PRELID2: variants seen among roughly 807,000 people sequenced by gnomAD.
PRELID2 encodes PRELI domain containing 2, also known as PRELI domain-containing protein 2.
Under a neutral mutation model 28.4 loss-of-function variants are expected in PRELID2, and 25 were observed. The ratio of observed to expected loss-of-function variants is 0.88; its 90% CI spans 0.64 to 1.23. The LOEUF (loss-of-function observed/expected upper bound fraction) is 1.23, where lower values mean the gene tolerates loss of function less well. PRELID2 is among the 50% of genes most tolerant of loss of function. The probability of loss-of-function intolerance (pLI) is 0.00; values close to 1 mark genes in which losing one functional copy is unlikely to be tolerated. For missense variants in PRELID2, 201 were observed against 214.4 expected, an observed-to-expected ratio of 0.94 and a Z score of 0.39; for synonymous variants, 76 against 71.6, an observed-to-expected ratio of 1.06 and a Z score of -0.31.
At chr5:145,605,819 T>C (rs1435645987) in intron 1 of PRELID2, among the ~76,000 whole-genome samples, 1 of 152,096 alleles carries the variant, frequency 6.6e-6, no homozygotes, top group Non-Finnish European at 1.5e-5. Context: ...CATTGATAGT[T>C]TAATAGCAAT....
chr5:145,427,436 A>G, the PRELID2 span, among the ~76,000 whole-genome samples: 1 of 152,162 alleles, frequency 6.6e-6, no homozygotes, highest in African/African-American at 2.4e-5. Flanking sequence ...AAGAATCTAA[A>G]ATTGGATTTG....
the PRELID2 span, among the ~76,000 whole-genome samples, chr5:145,353,222 C>G: frequency 1.3e-5 from 2 of 152,050 alleles, no homozygotes; most frequent in East Asian, 1.9e-4. Flanking sequence ...TTTTGGGAGG[C>G]CGAGGTGAGT....
At chr5:145,453,512 G>A in the PRELID2 span, among the ~76,000 whole-genome samples, 4 of 151,910 alleles carry the variant, frequency 2.6e-5, no homozygotes, top group South Asian at 2.1e-4. Flanking sequence ...TGTGCAGAAC[G>A]TGCAGGTTTG....
the PRELID2 span, among the ~76,000 whole-genome samples, chr5:145,408,853 C>A: frequency 6.6e-6 from 1 of 152,066 alleles, no homozygotes; most frequent in Non-Finnish European, 1.5e-5. Context: ...CATCCAAATA[C>A]AAGAAGCTCA....
the PRELID2 span, among the ~76,000 whole-genome samples, chr5:145,441,557 A>G: frequency 6.6e-6 from 1 of 152,128 alleles, no homozygotes; most frequent in Non-Finnish European, 1.5e-5. Context: ...CATAATTATC[A>G]TAAGTCAGGT....
intron 1 of PRELID2, among the ~76,000 whole-genome samples, chr5:145,730,589 A>G (rs1054597942): frequency 4.6e-5 from 7 of 152,112 alleles, no homozygotes; most frequent in African/African-American, 1.7e-4. Context: ...CTAGATAACT[A>G]CTCAGCATCC....
chr5:145,365,137 A>T, the PRELID2 span, among the ~76,000 whole-genome samples: 4 of 152,052 alleles, frequency 2.6e-5, no homozygotes, highest in East Asian at 7.8e-4. Flanking sequence ...GGAGATGGAG[A>T]TGTTGATCAA....
chr5:145,420,000 T>C, the PRELID2 span, among the ~76,000 whole-genome samples: 1 of 152,034 alleles, frequency 6.6e-6, no homozygotes, highest in African/African-American at 2.4e-5. Flanking sequence ...CCTTTCCCCA[T>C]TGCTTGTTTT....
At chr5:145,239,038 T>TA in the PRELID2 span, among the ~76,000 whole-genome samples, 1 of 152,068 alleles carries the variant, frequency 6.6e-6, no homozygotes, top group Admixed American at 6.6e-5. Flanking sequence ...TTCAGTGACA[T>TA]ACAGTTAAAC....
intron 4 of PRELID2, among the ~76,000 whole-genome samples, chr5:145,797,957 A>G (rs1022448856): frequency 2.0e-5 from 3 of 151,992 alleles, no homozygotes; most frequent in South Asian, 2.1e-4. Flanking sequence ...TAAAATAGAC[A>G]ACTAAATGGA....
At chr5:145,821,320 A>T (rs1422138553) in intron 2 of PRELID2, among the ~76,000 whole-genome samples, 1 of 140,366 alleles carries the variant, frequency 7.1e-6, no homozygotes, top group East Asian at 2.1e-4. Context: ...TATGTGTGTA[A>T]GCCCTCTTCT....
At chr5:145,318,141 T>C in the PRELID2 span, among the ~76,000 whole-genome samples, 1,107 of 152,288 alleles carry the variant, frequency 7.3e-3, 8 homozygotes, top group Non-Finnish European at 0.013. Flanking sequence ...TCAATTGGGC[T>C]ACTAGGAAGC....
chr5:145,539,771 A>T (rs978871426), intron 1 of PRELID2, among the ~76,000 whole-genome samples: 1 of 151,826 alleles, frequency 6.6e-6, no homozygotes, highest in Non-Finnish European at 1.5e-5. Flanking sequence ...GTGGTGTTTT[A>T]AGTATTTATT....
intron 1 of PRELID2, among the ~76,000 whole-genome samples, chr5:145,645,618 C>A (rs1257492564): frequency 1.3e-5 from 2 of 152,070 alleles, no homozygotes; most frequent in African/African-American, 2.4e-5. Flanking sequence ...GATGCAGTTT[C>A]TTCATAGTGT....
At chr5:145,267,313 C>A in the PRELID2 span, among the ~76,000 whole-genome samples, 2 of 152,078 alleles carry the variant, frequency 1.3e-5, no homozygotes, top group Non-Finnish European at 2.9e-5. Context: ...AGCCCACTGA[C>A]CCAAATGTTA....
intron 5 of PRELID2, among the ~76,000 whole-genome samples, chr5:145,794,662 C>T (rs1044479354): frequency 3.9e-5 from 6 of 152,084 alleles, no homozygotes; most frequent in South Asian, 2.1e-4. Context: ...TACCACGTAT[C>T]GGGTATGCTT....
At chr5:145,752,280 G>A (rs1429536956), downstream of PRELID2, among the ~76,000 whole-genome samples, 2 of 152,136 alleles carry the variant, frequency 1.3e-5, no homozygotes, top group African/African-American at 4.8e-5. Flanking sequence ...AACACCTAAA[G>A]AAACAAGTTA....
intron 1 of PRELID2, among the ~76,000 whole-genome samples, chr5:145,544,119 A>G (rs368078269): frequency 2.4e-4 from 37 of 152,106 alleles, no homozygotes; most frequent in African/African-American, 8.4e-4. Context: ...GAAAGCATCA[A>G]AAGTCACACA....
At chr5:145,348,094 T>G in the PRELID2 span, among the ~76,000 whole-genome samples, 4 of 152,142 alleles carry the variant, frequency 2.6e-5, no homozygotes, top group African/African-American at 9.7e-5. Flanking sequence ...AGGTCCTCTA[T>G]GTCAGCAAGG....
Sources: gnomAD v4.1 joint callset for allele counts (sites outside exome capture counted in the v4.1 genomes callset) on GRCh38, gnomAD v4.1.1 for gene constraint, MANE v1.5 for transcripts, NCBI Gene and HGNC (gene_info 2026-07-23, HGNC 2026-07-21) for gene names.